The following FOXP2 variants were observed in gnomAD, a reference collection of about 807,000 sequenced individuals.
FOXP2 encodes the protein forkhead box P2.
FOXP2 carries 12 observed loss-of-function variants against 115.8 expected under a neutral mutation model. The ratio of observed to expected loss-of-function variants is 0.10; its 90% CI spans 0.07 to 0.17. The LOEUF (loss-of-function observed/expected upper bound fraction) is 0.17. FOXP2 is among the 10% of genes least tolerant of loss of function. The pLI is 1.00. For synonymous variants in FOXP2, 328 were observed against 297.7 expected, an observed-to-expected ratio of 1.10 and a Z score of -1.05; for missense variants, 629 against 843.5, an observed-to-expected ratio of 0.75 and a Z score of 3.15.
At chr7:114,125,844 T>C (rs1487469561) in intron 1 of FOXP2, among the ~76,000 whole-genome samples, 3 of 152,182 alleles carry the variant, frequency 2.0e-5, no homozygotes, top group East Asian at 1.9e-4. Flanking sequence ...GATCACATTG[T>C]TGTTCTTACT....
Position 114,102,105 on chromosome 7 carries a change from T to C in FOXP2, c.-247+14267T>C, listed in dbSNP as rs149214991. ...GTTTTTTGGTCTATTTTATCTCATTTTGAGCATTTATTAAATATTTGAGCC... is the reference window on the plus strand; with the variant it reads ...GTTTTTTGGTCTATTTTATCTCATTCTGAGCATTTATTAAATATTTGAGCC... On this transcript the variant is annotated intron_variant, in intron 1 of 19. Coordinates refer to the FOXP2 transcript ENST00000635638. Among the ~76,000 whole-genome samples, 499 of 152,240 alleles carry C rather than the reference T, an allele frequency of 3.3e-3. 2 individuals are homozygous for C. The highest frequency in any genetic ancestry group is 0.011 in the African/African-American group (475 of 41,574).
Position 114,686,361 on chromosome 7 carries a change from C to T in FOXP2, c.2004-3421C>T, listed in dbSNP as rs142443855. Among the ~76,000 whole-genome samples the T allele has an allele frequency of 2.7e-3, 415 of 152,192 alleles. 3 individuals are homozygous for T. The highest frequency in any genetic ancestry group is 9.8e-3 in the African/African-American group (405 of 41,538). The stretch of plus-strand genomic sequence containing the variant: ...CTAATTTTTGTATTTTTATTAGAAA[C>T]AGAGTTTCACCATGTTGGCCAGACT... On this transcript the variant is annotated intron_variant, in intron 16 of 16. Transcript: ENST00000350908.
intron 1 of FOXP2, among the ~76,000 whole-genome samples, chr7:114,124,906 C>G (rs1314772359): frequency 6.6e-6 from 1 of 152,042 alleles, no homozygotes; most frequent in Admixed American, 6.6e-5. Flanking sequence ...CTAATCCTCA[C>G]TGCAACTCTG....
intron 1 of FOXP2, among the ~76,000 whole-genome samples, chr7:114,103,914 T>C (rs1791048812): frequency 6.6e-6 from 1 of 152,072 alleles, no homozygotes; most frequent in Non-Finnish European, 1.5e-5. Context: ...ATTTTGAATT[T>C]TCTTTGACTA....
chr7:114,418,513 TCTTTTTCTCAGA>T (rs1793455313), intron 1 of FOXP2, among the ~76,000 whole-genome samples: 1 of 151,922 alleles, frequency 6.6e-6, no homozygotes, highest in Non-Finnish European at 1.5e-5. Context: ...ATTACAAAGT[TCTTTTTCTCAGA>T]CATTTGAATC....
At chr7:114,172,383 G>A (rs1793170859) in intron 1 of FOXP2, among the ~76,000 whole-genome samples, 1 of 152,262 alleles carries the variant, frequency 6.6e-6, no homozygotes, top group East Asian at 1.9e-4. Flanking sequence ...GAACACAGAA[G>A]ATTTTTATGG....
At chr7:114,384,729 G>C (rs892130189) in intron 2 of FOXP2, among the ~76,000 whole-genome samples, 2 of 151,880 alleles carry the variant, frequency 1.3e-5, no homozygotes, top group African/African-American at 4.8e-5. Flanking sequence ...GAGTTAGTAA[G>C]CTACCTTTTT....
At chr7:114,086,625 C>T (rs1475498604), upstream of FOXP2, 1 of 396,128 alleles carries the variant, frequency 2.5e-6, no homozygotes, top group South Asian at 1.7e-5. Flanking sequence ...AGTTTCTTGG[C>T]CCTCACTCTG....
chr7:114,198,370 C>T (rs538167095), intron 1 of FOXP2, among the ~76,000 whole-genome samples: 11 of 152,140 alleles, frequency 7.2e-5, no homozygotes, highest in Non-Finnish European at 1.5e-4. Context: ...TGGTCCCCAA[C>T]ATTTTTGGCA....
intron 3 of FOXP2, among the ~76,000 whole-genome samples, chr7:114,564,717 A>C (rs1800920660): frequency 1.3e-5 from 2 of 151,876 alleles, no homozygotes. Flanking sequence ...CTGTCTCTAC[A>C]AAAATCAAAG....
At chr7:114,578,237 T>A (rs1488551634) in intron 3 of FOXP2, among the ~76,000 whole-genome samples, 1 of 152,050 alleles carries the variant, frequency 6.6e-6, no homozygotes, top group Non-Finnish European at 1.5e-5. Flanking sequence ...TTTTTGCGTA[T>A]CTACTCTTTT....
intron 6 of FOXP2, among the ~76,000 whole-genome samples, chr7:114,632,160 T>C (rs1804956592): frequency 6.6e-6 from 1 of 152,238 alleles, no homozygotes; most frequent in African/African-American, 2.4e-5. Flanking sequence ...AGAGGCTTCA[T>C]GAATTTCTAT....
chr7:114,393,652 T>C lies in FOXP2; in HGVS notation c.-10-32850T>C, dbSNP rs142192586. 1.1e-3 allele frequency among the ~76,000 whole-genome samples: 174 copies of C among 151,832 alleles called. 1 individual carries two copies. Among genetic ancestry groups the C allele is most frequent in the South Asian group, 0.011 (55 of 4,806 alleles). The stretch of plus-strand genomic sequence containing the variant: ...ACAGAGTGTCAGAGCCTCAGCAGCA[T>C]GAAGAAGGCATCTATGTGGAAGAAC... On this transcript the variant is annotated intron_variant, in intron 2 of 17. Transcript: ENST00000634411.
intron 1 of FOXP2, among the ~76,000 whole-genome samples, chr7:114,254,865 C>G (rs577251453): frequency 6.6e-6 from 1 of 152,208 alleles, no homozygotes; most frequent in Non-Finnish European, 1.5e-5. Context: ...GGGGGAGACG[C>G]GCTCTCATTT....
chr7:114,503,556 C>T lies in FOXP2; in HGVS notation c.169-31061C>T, dbSNP rs192043117. The stretch of plus-strand genomic sequence containing the variant: ...AACATCAAGGATACATTTATTATAT[C>T]TAATTTTATATTTCATTCTTGTTTT... On this transcript the variant is annotated intron_variant, in intron 2 of 16. Coordinates refer to ENST00000350908, the MANE Select transcript of FOXP2 (RefSeq NM_014491.4). 4.1e-3 allele frequency among the ~76,000 whole-genome samples: 621 copies of T among 150,788 alleles called. 5 individuals are homozygous for T. Among genetic ancestry groups the T allele is most frequent in the Middle Eastern group, 0.031 (9 of 294 alleles).
intron 8 of FOXP2, among the ~76,000 whole-genome samples, chr7:114,651,564 T>G (rs1007858966): frequency 2.6e-5 from 4 of 152,120 alleles, no homozygotes; most frequent in Non-Finnish European, 4.4e-5. Flanking sequence ...TTGGAATGAT[T>G]TATTTTTCAC....
chr7:114,583,954 A>C lies in FOXP2; in HGVS notation c.259-44586A>C, dbSNP rs1019127732. ...TTTGGTCAAAGTATCGAGTATATCA[A>C]ATTTTATGAGGCAAAAATCACAGCA... On this transcript the variant is annotated intron_variant, in intron 3 of 16. Coordinates refer to ENST00000350908, the MANE Select transcript of FOXP2 (RefSeq NM_014491.4). 5.9e-5 allele frequency among the ~76,000 whole-genome samples: 9 copies of C among 152,300 alleles called. No homozygotes were observed. In the East Asian group the frequency reaches 1.7e-3, roughly 29 times the overall value.
intron 1 of FOXP2, among the ~76,000 whole-genome samples, chr7:114,110,052 C>G (rs1354714617): frequency 6.6e-6 from 1 of 152,116 alleles, no homozygotes; most frequent in African/African-American, 2.4e-5. Context: ...TTTTGTCTCC[C>G]CTAGTGGAAA....
intron 2 of FOXP2, among the ~76,000 whole-genome samples, chr7:114,457,704 C>T (rs1795373248): frequency 6.6e-6 from 1 of 152,096 alleles, no homozygotes; most frequent in East Asian, 1.9e-4. Context: ...CGAGACCATC[C>T]TGCCTAACAT....
Sources: allele counts gnomAD v4.1 joint callset (sites outside exome capture counted in the v4.1 genomes callset), GRCh38; gene constraint gnomAD v4.1.1; transcripts MANE v1.5; gene names NCBI Gene and HGNC (gene_info 2026-07-23, HGNC 2026-07-21).